REEP1: variants seen among roughly 807,000 people sequenced by gnomAD.
REEP1 encodes the protein receptor accessory protein 1, also known as receptor expression-enhancing protein 1.
Under a neutral mutation model 40.3 loss-of-function variants are expected in REEP1, and 22 were observed. That is an observed-to-expected ratio of 0.55 (90% confidence interval 0.39 to 0.78). The LOEUF is 0.78. REEP1 is among the 30% of genes least tolerant of loss of function. REEP1 has a pLI of 0.00. For synonymous variants in REEP1, 116 were observed against 139.2 expected (o/e 0.83, Z 1.17); for missense variants, 280 against 361.1 (o/e 0.78, Z 1.82).
intron 5 of REEP1, among the ~76,000 whole-genome samples, chr2:86,233,987 G>A (rs1675160984): frequency 6.6e-6 from 1 of 152,050 alleles, no homozygotes; most frequent in African/African-American, 2.4e-5. Context: ...GAGGGCTGCT[G>A]GTGGGATTGA....
chr2:86,320,738 G>A (rs1680239999), intron 1 of REEP1, among the ~76,000 whole-genome samples: 1 of 152,206 alleles, frequency 6.6e-6, no homozygotes, highest in African/African-American at 2.4e-5. Flanking sequence ...ATGTTTAGCA[G>A]CTGATTAGAC....
At chr2:86,316,407 G>A (rs1680010310) in intron 1 of REEP1, among the ~76,000 whole-genome samples, 1 of 151,706 alleles carries the variant, frequency 6.6e-6, no homozygotes, top group Non-Finnish European at 1.5e-5. Flanking sequence ...AATTAGCCGG[G>A]TGTGGTGGTG....
chr2:86,227,946 A>T (rs1006256220), intron 6 of REEP1, among the ~76,000 whole-genome samples: 2 of 152,034 alleles, frequency 1.3e-5, no homozygotes, highest in African/African-American at 2.4e-5. Flanking sequence ...TTCTTTCAAC[A>T]TTTCTTGTAC....
chr2:86,275,361 T>G (rs1677700046), intron 2 of REEP1, among the ~76,000 whole-genome samples: 1 of 152,240 alleles, frequency 6.6e-6, no homozygotes, highest in Non-Finnish European at 1.5e-5. Context: ...TTTTCTATAT[T>G]CTTGATGCTC....
intron 5 of REEP1, among the ~76,000 whole-genome samples, chr2:86,249,093 T>G (rs1305200652): frequency 6.6e-6 from 1 of 152,116 alleles, no homozygotes; most frequent in Non-Finnish European, 1.5e-5. Context: ...ACCCAGTCTC[T>G]ACTAAAAATA....
chr2:86,263,842 C>T (rs1441793862), intron 3 of REEP1, 123 bp downstream of exon 3: 3 of 756,250 alleles, frequency 4.0e-6, no homozygotes, highest in African/African-American at 1.7e-5. Flanking sequence ...CAGTTAACAT[C>T]CCTGCTCTTG....
At chr2:86,279,671 T>C (rs958949368) in intron 2 of REEP1, among the ~76,000 whole-genome samples, 2 of 152,156 alleles carry the variant, frequency 1.3e-5, no homozygotes, top group African/African-American at 4.8e-5. Context: ...GATATGGTTA[T>C]GGAAGAACAG....
chr2:86,275,316 G>A (rs1169600481), intron 2 of REEP1, among the ~76,000 whole-genome samples: 6 of 152,094 alleles, frequency 3.9e-5, no homozygotes, highest in East Asian at 1.9e-4. Flanking sequence ...TAATGTTCAC[G>A]CACTGTCACC....
intron 1 of REEP1, among the ~76,000 whole-genome samples, chr2:86,309,676 G>A (rs2104480734): frequency 6.6e-6 from 1 of 152,316 alleles, no homozygotes; most frequent in Non-Finnish European, 1.5e-5. Context: ...GCTTTTGGCT[G>A]TGTCCTCACA....
chr2:86,277,281 C>T (rs1297284889), intron 2 of REEP1, among the ~76,000 whole-genome samples: 27 of 152,002 alleles, frequency 1.8e-4, no homozygotes, highest in African/African-American at 2.4e-5. Context: ...GGTTGCTTGG[C>T]GTGGTGGCTC....
intron 8 of REEP1, among the ~76,000 whole-genome samples, 168 bp downstream of exon 8, chr2:86,219,802 G>A (rs993992289): frequency 6.6e-6 from 1 of 152,080 alleles, no homozygotes; most frequent in Non-Finnish European, 1.5e-5. Flanking sequence ...CAAGTAGCTG[G>A]ATGCTATCCA....
intron 2 of REEP1, among the ~76,000 whole-genome samples, chr2:86,271,814 C>A (rs1042340661): frequency 6.6e-6 from 1 of 152,208 alleles, no homozygotes; most frequent in Non-Finnish European, 1.5e-5. Flanking sequence ...ACATCAGTAT[C>A]CAGACACATT....
chr2:86,242,204 T>C (rs1302902973), intron 5 of REEP1, among the ~76,000 whole-genome samples: 4 of 152,180 alleles, frequency 2.6e-5, no homozygotes, highest in African/African-American at 7.2e-5. Context: ...TGATCATCCC[T>C]GTTTGCAGGT....
chr2:86,300,754 T>C (rs551331538), intron 1 of REEP1, among the ~76,000 whole-genome samples: 9 of 152,322 alleles, frequency 5.9e-5, no homozygotes, highest in South Asian at 2.1e-4. Context: ...TCTTGGTTCA[T>C]GTAACCAAAA....
chr2:86,279,085 T>C (rs967025288), intron 2 of REEP1, among the ~76,000 whole-genome samples: 3 of 152,196 alleles, frequency 2.0e-5, no homozygotes, highest in East Asian at 3.8e-4. Context: ...CTACATGGCA[T>C]GCCATGCCTC....
At position 86,282,218 on chromosome 2, in the gene REEP1, A is replaced by G. The variant is rs943579285; in HGVS notation, c.57T>C (p.Pro19=). 36 of 1,609,344 alleles carry G rather than the reference A, an allele frequency of 2.2e-5. No individual in the cohort carries two copies. Among genetic ancestry groups the G allele is most frequent in the Non-Finnish European group, 2.9e-5 (34 of 1,175,668 alleles). ...LVVLIFGTLY[P]AYYSYKAVKS... is the part of the protein sequence containing the mutation. ...TCACAGCCTTGTAGGAATAATACGC[A>G]GGGTAAAGGGTGCCAAATATAAGCC... The change falls in exon 2 of 9, where the codon CCT becomes CCC. Residue 19 remains proline, a synonymous_variant. Transcript: ENST00000538924.
At chr2:86,245,720 C>CT (rs1409248500) in intron 5 of REEP1, among the ~76,000 whole-genome samples, 1 of 151,894 alleles carries the variant, frequency 6.6e-6, no homozygotes, top group Non-Finnish European at 1.5e-5. Flanking sequence ...CGGACTTCAG[C>CT]TACCCTATGG....
At chr2:86,224,369 C>G (rs1263417191) in intron 7 of REEP1, among the ~76,000 whole-genome samples, 3 of 152,208 alleles carry the variant, frequency 2.0e-5, no homozygotes, top group Non-Finnish European at 4.4e-5. Flanking sequence ...AGGTGCAAGA[C>G]AGACCTCCCC....
intron 5 of REEP1, among the ~76,000 whole-genome samples, chr2:86,249,697 C>T (rs1239795197): frequency 6.6e-6 from 1 of 152,098 alleles, no homozygotes; most frequent in African/African-American, 2.4e-5. Flanking sequence ...GAGTCATCAT[C>T]CTTTGACCAA....
Sources: allele counts gnomAD v4.1 joint callset (sites outside exome capture counted in the v4.1 genomes callset), GRCh38; gene constraint gnomAD v4.1.1; transcripts MANE v1.5; gene names NCBI Gene and HGNC (gene_info 2026-07-23, HGNC 2026-07-21).